Variants in PDZD2 observed in about 807,000 individuals in gnomAD.
PDZD2 encodes PDZ domain containing 2.
Under a neutral mutation model 220.7 loss-of-function variants are expected in PDZD2, and 90 were observed. The ratio of observed to expected loss-of-function variants is 0.41; its 90% confidence interval spans 0.34 to 0.49. PDZD2 has a LOEUF of 0.49. Ranked by LOEUF, PDZD2 falls within the 20% of genes least tolerant of loss-of-function variation. PDZD2 has a pLI of 0.28. For missense variants in PDZD2, 3,174 were observed against 3,608.5 expected, an observed-to-expected ratio of 0.88 and a Z score of 3.08; for synonymous variants, 1,375 against 1,450.5, an observed-to-expected ratio of 0.95 and a Z score of 1.18.
chr5:31,683,222 A>AAAG lies in PDZD2; in HGVS notation c.-361+43787_-361+43788insGAA, dbSNP rs1554062509. Among the ~76,000 whole-genome samples the AAAG allele has an allele frequency of 1.0e-4, 15 of 148,642 alleles. No individual in the cohort carries two copies. In the South Asian group the frequency reaches 1.3e-3, roughly 13 times the overall value. Reference sequence around the variant, plus strand: ...ATCAGAATGTTAAAAAAAAAAAAAAAAAAGAAAGAAAGAAAAGAAAACGAA... The same window carrying AAAG: ...ATCAGAATGTTAAAAAAAAAAAAAAAAAGAAAGAAAGAAAGAAAAGAAAACGAA... On this transcript the variant is annotated intron_variant, in intron 1 of 24. Coordinates refer to ENST00000438447, the MANE Select transcript of PDZD2 (RefSeq NM_178140.4).
At position 32,057,885 on chromosome 5, in the gene PDZD2, G is replaced by A. The variant is rs752624311; in HGVS notation, c.1982G>A (p.Arg661Gln). ...QEAIHTFKQI[R>Q]SGLFVLTVRT... Reference sequence around the variant, plus strand: ...TCCTCACTGTTTTCTCAGCAAATCCGGAGTGGATTATTTGTTTTAACGGTA... The same window carrying A: ...TCCTCACTGTTTTCTCAGCAAATCCAGAGTGGATTATTTGTTTTAACGGTA... The change falls in exon 12 of 25, where the codon CGG (arginine) becomes CAG (glutamine). Residue 661 changes from arginine (R) to glutamine (Q), a missense_variant. Arg to Gln is a conservative substitution (Grantham distance 43, BLOSUM62 1). Around this residue, in one of 4 missense-constraint regions of PDZD2, gnomAD observed 1,861 missense variants for 2,001.0 expected, o/e 0.93. Coordinates refer to ENST00000438447, the MANE Select transcript of PDZD2 (RefSeq NM_178140.4). The A allele has an allele frequency of 3.1e-6, 5 of 1,608,846 alleles. No individual in the cohort carries two copies. Among genetic ancestry groups the A allele is most frequent in the East Asian group, 2.2e-5 (1 of 44,696 alleles).
At chr5:31,903,610 C>T (rs1254340844) in intron 2 of PDZD2, among the ~76,000 whole-genome samples, 1 of 130,838 alleles carries the variant, frequency 7.6e-6, no homozygotes, top group African/African-American at 2.9e-5. Flanking sequence ...CGCCACTGTA[C>T]TCTAGCCTGT....
At chr5:31,699,742 T>G (rs1275828073) in intron 1 of PDZD2, among the ~76,000 whole-genome samples, 2 of 151,662 alleles carry the variant, frequency 1.3e-5, no homozygotes, top group African/African-American at 4.8e-5. Flanking sequence ...TAGCTGGGAT[T>G]CCAGGCATAC....
At position 32,059,333 on chromosome 5, in the gene PDZD2, G is replaced by A; in HGVS notation, c.2295G>A (p.Val765=). 1 of 1,605,076 alleles carries A rather than the reference G, an allele frequency of 6.2e-7. No individual in the cohort carries two copies. Among genetic ancestry groups the A allele is most frequent in the Non-Finnish European group, 8.5e-7 (1 of 1,171,792 alleles). The change falls in exon 13 of 25, where the codon GTG becomes GTA. Residue 765 remains valine (V), a synonymous_variant. Transcript: ENST00000438447. ...TTCACAGCCTTGCTCCAGGATCAGT[G>A]GCCAAGATGGAGAGCAACCTGAGGT... ...IYIHSLAPGS[V]AKMESNLSRG...
intron 2 of PDZD2, among the ~76,000 whole-genome samples, chr5:31,880,475 A>C (rs1739765422): frequency 1.3e-5 from 2 of 152,170 alleles, no homozygotes; most frequent in South Asian, 4.1e-4. Flanking sequence ...GCTCGTTCAA[A>C]ATTCTATGAA....
At chr5:32,106,253 T>C (rs926639184) in intron 24 of PDZD2, 1 of 152,702 alleles carries the variant, frequency 6.5e-6, no homozygotes, top group Non-Finnish European at 1.5e-5. Context: ...CCTAGATCCC[T>C]CGCATATGCA....
At chr5:32,025,852 A>G (rs1211976116) in intron 6 of PDZD2, among the ~76,000 whole-genome samples, 1 of 151,764 alleles carries the variant, frequency 6.6e-6, no homozygotes, top group African/African-American at 2.4e-5. Context: ...CACCTGCCTC[A>G]GTCTCCCAGA....
chr5:31,923,649 C>T (rs1744489107), intron 2 of PDZD2: 1 of 697,392 alleles, frequency 1.4e-6, no homozygotes, highest in African/African-American at 1.8e-5. Flanking sequence ...TGGCACAAGG[C>T]TCTTCACAGA....
intron 19 of PDZD2, among the ~76,000 whole-genome samples, chr5:32,085,690 A>G (rs1581455283): frequency 6.6e-6 from 1 of 150,818 alleles, no homozygotes; most frequent in Non-Finnish European, 1.5e-5. Flanking sequence ...CAGGTGATCC[A>G]CCCGCCTTGG....
At chr5:31,711,812 G>A (rs1442856216) in intron 1 of PDZD2, among the ~76,000 whole-genome samples, 1 of 152,248 alleles carries the variant, frequency 6.6e-6, no homozygotes, top group East Asian at 1.9e-4. Context: ...CTGCAGGCTT[G>A]TCTTTGTAAA....
intron 2 of PDZD2, among the ~76,000 whole-genome samples, chr5:31,945,933 G>A (rs1422540965): frequency 6.6e-6 from 1 of 152,136 alleles, no homozygotes; most frequent in African/African-American, 2.4e-5. Flanking sequence ...TCTTAGCCTT[G>A]AGGAAGCACA....
At chr5:32,107,924 T>C (rs914147272) in intron 24 of PDZD2, 45 bp from the exon 25 acceptor site, 6 of 1,440,422 alleles carry the variant, frequency 4.2e-6, no homozygotes, top group African/African-American at 2.8e-5. Context: ...TTTTGAATAC[T>C]ATGAAACTGC....
intron 2 of PDZD2, among the ~76,000 whole-genome samples, chr5:31,933,286 T>C (rs1158642577): frequency 6.6e-6 from 1 of 152,242 alleles, no homozygotes; most frequent in East Asian, 1.9e-4. Flanking sequence ...GGCTGAATAG[T>C]ATTCCATTGT....
chr5:32,092,966 C>A lies in PDZD2; in HGVS notation c.7787C>A (p.Ser2596Ter), dbSNP rs866599521. The change falls in exon 21 of 25, where the codon TCA (serine) becomes TAA (stop). Residue 2596 changes from serine to a stop codon, truncating the protein, a stop_gained. Transcript: ENST00000438447. LOFTEE classifies it high-confidence loss of function. The part of the protein sequence containing the change: ...DQQRLQSVLS[S>*]VGSKSTILTL... ...CAAAGATTACAGTCTGTTTTATCGT[C>A]AGTGGGATCGAAATCTACCATCCTA... 6.2e-7 allele frequency: 1 copy of A among 1,608,340 alleles called. No homozygotes were observed. Among genetic ancestry groups the A allele is most frequent in the Non-Finnish European group, 8.5e-7 (1 of 1,175,008 alleles).
At chr5:31,754,621 C>CA (rs1751203400) in intron 1 of PDZD2, 1 of 152,262 alleles carries the variant, frequency 6.6e-6, no homozygotes, top group Non-Finnish European at 1.5e-5. Context: ...GCCAGTAGAG[C>CA]ATGCCTTTAA....
intron 1 of PDZD2, among the ~76,000 whole-genome samples, chr5:31,753,242 CA>C (rs1751113715): frequency 6.6e-6 from 1 of 152,138 alleles, no homozygotes; most frequent in Non-Finnish European, 1.5e-5. Context: ...AGCAAAAGCA[CA>C]AGACAAAAGC....
At chr5:31,647,304 T>C (rs1745171505) in intron 1 of PDZD2, among the ~76,000 whole-genome samples, 1 of 152,234 alleles carries the variant, frequency 6.6e-6, no homozygotes. Flanking sequence ...CATTCAGTTC[T>C]CATAATCTGA....
At position 31,948,641 on chromosome 5, in the gene PDZD2, A is replaced by G. The variant is rs535707247; in HGVS notation, c.477-34514A>G. On this transcript the variant is annotated intron_variant, in intron 2 of 24. Transcript: ENST00000438447. Reference sequence around the variant, plus strand: ...AGACATAAGGTATAAAAAGAGAAAAATAAAATACGAGAAATTCTAATAAAA... The same window carrying G: ...AGACATAAGGTATAAAAAGAGAAAAGTAAAATACGAGAAATTCTAATAAAA... 1.9e-3 allele frequency among the ~76,000 whole-genome samples: 288 copies of G among 152,338 alleles called. 1 individual carries two copies. The highest frequency in any genetic ancestry group is 3.1e-3 in the Non-Finnish European group (208 of 68,042).
chr5:31,703,964 T>G (rs1286388670), intron 1 of PDZD2, among the ~76,000 whole-genome samples: 1 of 91,834 alleles, frequency 1.1e-5, no homozygotes, highest in Non-Finnish European at 2.5e-5. Context: ...TCTTTCTCTC[T>G]CTCTCTCTCT....
Sources: gnomAD v4.1 joint callset for allele counts (sites outside exome capture counted in the v4.1 genomes callset) on GRCh38, gnomAD v4.1.1 for gene constraint, gnomAD v4.1.1 regional missense constraint, MANE v1.5 for transcripts, NCBI Gene and HGNC (gene_info 2026-07-23, HGNC 2026-07-21) for gene names.